The following CTNNA3 variants were observed in gnomAD, a reference collection of about 807,000 sequenced individuals.
CTNNA3 encodes the protein catenin alpha 3.
Under a neutral mutation model 95.7 loss-of-function variants are expected in CTNNA3, and 76 were observed. That is an observed-to-expected ratio of 0.79 (90% confidence interval 0.66 to 0.96). The LOEUF is 0.96. Among genes scored for constraint, CTNNA3 ranks in the 40% least tolerant of loss-of-function variants. The pLI, the probability that CTNNA3 is intolerant of heterozygous loss-of-function variation, is 0.00. For missense variants in CTNNA3, 1,191 were observed against 1,089.8 expected (o/e 1.09, Z -1.31); for synonymous variants, 431 against 374.4 (o/e 1.15, Z -1.74).
chr10:66,598,209 A>C (rs187023284), intron 10 of CTNNA3, among the ~76,000 whole-genome samples: 6 of 152,184 alleles, frequency 3.9e-5, no homozygotes, highest in Non-Finnish European at 4.4e-5. Context: ...AATATTTGAC[A>C]TTCTTTTTTG....
chr10:67,301,019 T>C (rs1309466710), intron 5 of CTNNA3, among the ~76,000 whole-genome samples: 3 of 152,222 alleles, frequency 2.0e-5, no homozygotes. Flanking sequence ...GTATGTTTTG[T>C]AGCAAAAGTA....
intron 11 of CTNNA3, among the ~76,000 whole-genome samples, chr10:66,385,788 T>C (rs942537025): frequency 6.6e-6 from 1 of 152,146 alleles, no homozygotes; most frequent in African/African-American, 2.4e-5. Context: ...CGGTTCAACA[T>C]ATGCAAATCA....
At chr10:67,613,509 C>G (rs1447537956) in intron 2 of CTNNA3, among the ~76,000 whole-genome samples, 1 of 152,152 alleles carries the variant, frequency 6.6e-6, no homozygotes, top group Non-Finnish European at 1.5e-5. Context: ...CACATAGCAG[C>G]TTTCATTAAA....
intron 9 of CTNNA3, among the ~76,000 whole-genome samples, chr10:66,623,429 A>G (rs759833486): frequency 9.4e-5 from 14 of 149,602 alleles, no homozygotes; most frequent in Non-Finnish European, 1.5e-5. Flanking sequence ...TTTTGAAAGT[A>G]TACATTCTTC....
chr10:67,647,165 T>C (rs2133481453), intron 2 of CTNNA3, among the ~76,000 whole-genome samples: 2 of 134,056 alleles, frequency 1.5e-5, no homozygotes, highest in East Asian at 5.8e-4. Context: ...TATATATATA[T>C]ATATATATAT....
intron 10 of CTNNA3, among the ~76,000 whole-genome samples, chr10:66,614,649 C>T (rs1224885516): frequency 6.6e-6 from 1 of 151,984 alleles, no homozygotes; most frequent in African/African-American, 2.4e-5. Flanking sequence ...CCAACCACAT[C>T]ACTGAAAATA....
chr10:67,296,691 T>C (rs1330178758), intron 5 of CTNNA3, among the ~76,000 whole-genome samples: 10 of 151,868 alleles, frequency 6.6e-5, no homozygotes, highest in Admixed American at 1.3e-4. Flanking sequence ...CCCAGCACTT[T>C]GGGAGGCCGA....
At chr10:66,979,938 T>A (rs1168807523) in intron 7 of CTNNA3, among the ~76,000 whole-genome samples, 2 of 152,202 alleles carry the variant, frequency 1.3e-5, no homozygotes, top group African/African-American at 4.8e-5. Context: ...TTTCCTCAAG[T>A]ACTGTTGGAA....
intron 5 of CTNNA3, among the ~76,000 whole-genome samples, chr10:67,279,740 T>C (rs77967679): frequency 0.02 from 3,076 of 150,392 alleles, 138 homozygotes; most frequent in Non-Finnish European, 0.03. Flanking sequence ...GTTTCTACTT[T>C]CCTTTCACAA....
At chr10:66,389,542 AT>A in intron 11 of CTNNA3, among the ~76,000 whole-genome samples, 1 of 152,146 alleles carries the variant, frequency 6.6e-6, no homozygotes, top group East Asian at 1.9e-4. Context: ...TTGTTGGAAA[AT>A]AGTAATACAT....
intron 7 of CTNNA3, among the ~76,000 whole-genome samples, chr10:66,929,725 G>A (rs1176966298): frequency 1.3e-5 from 2 of 152,188 alleles, no homozygotes; most frequent in Non-Finnish European, 2.9e-5. Flanking sequence ...GTACAGTTCT[G>A]TACAGACCCT....
rs1352420007 is a variant in CTNNA3, at chr10:66,732,514, C to T, written c.1281+33750G>A. Among the ~76,000 whole-genome samples the T allele has an allele frequency of 1.3e-5, 2 of 152,080 alleles. 1 individual carries two copies. On this transcript the variant is annotated intron_variant, in intron 9 of 17. Coordinates refer to ENST00000433211, the MANE Select transcript of CTNNA3 (RefSeq NM_013266.4). ...AGCATGGCTGAGGAGGCCTAGAAAA[C>T]TTACAATGATGGTGGAAGGAGAAGC...
chr10:67,565,536 C>A (rs1841730080), intron 3 of CTNNA3, among the ~76,000 whole-genome samples: 2 of 139,526 alleles, frequency 1.4e-5, no homozygotes, highest in South Asian at 5.2e-4. Context: ...ATACTAATAT[C>A]ATTTTTACAG....
intron 11 of CTNNA3, among the ~76,000 whole-genome samples, chr10:66,395,276 TGAGACAAATTCTCTTCA>T (rs1189619381): frequency 6.6e-6 from 1 of 152,038 alleles, no homozygotes; most frequent in Non-Finnish European, 1.5e-5. Context: ...TCCCTCTCTA[TGAGACAAATTCTCTTCA>T]GCATCATTTG....
At chr10:66,319,576 GCAGCTATATCTTAA>G (rs2092153442) in intron 12 of CTNNA3, among the ~76,000 whole-genome samples, 1 of 152,194 alleles carries the variant, frequency 6.6e-6, no homozygotes, top group South Asian at 2.1e-4. Flanking sequence ...AATTGTTTAA[GCAGCTATATCTTAA>G]CTTCCAGGGA....
intron 3 of CTNNA3, among the ~76,000 whole-genome samples, chr10:67,554,446 A>T (rs1040806959): frequency 4.6e-5 from 7 of 152,164 alleles, no homozygotes; most frequent in Non-Finnish European, 1.0e-4. Context: ...AATGATCGCC[A>T]TTCTAAGTGG....
chr10:67,358,348 G>T (rs1294872354), intron 5 of CTNNA3, among the ~76,000 whole-genome samples: 2 of 152,104 alleles, frequency 1.3e-5, no homozygotes, highest in Non-Finnish European at 2.9e-5. Flanking sequence ...GGACCAGATG[G>T]CCAACTAGAC....
At chr10:67,590,870 G>C (rs10823072) in intron 3 of CTNNA3, among the ~76,000 whole-genome samples, 61,379 of 151,852 alleles carry the variant, frequency 0.4, 15,962 homozygotes, top group African/African-American at 0.71. Context: ...TAATTTTGAA[G>C]TAGTAAGATT....
intron 13 of CTNNA3, among the ~76,000 whole-genome samples, chr10:66,177,060 T>C (rs1260529835): frequency 6.6e-6 from 1 of 152,074 alleles, no homozygotes; most frequent in Non-Finnish European, 1.5e-5. Context: ...CTTAAATCCG[T>C]GTAACACTCA....
Sources: gnomAD v4.1 joint callset for allele counts (sites outside exome capture counted in the v4.1 genomes callset) on GRCh38, gnomAD v4.1.1 for gene constraint, MANE v1.5 for transcripts, NCBI Gene and HGNC (gene_info 2026-07-23, HGNC 2026-07-21) for gene names.